The following LILRA2 variants were observed in gnomAD, a reference collection of about 807,000 sequenced individuals.
LILRA2 encodes leukocyte immunoglobulin like receptor A2, also known as leukocyte immunoglobulin-like receptor subfamily A member 2.
A neutral mutation model predicts 47.9 loss-of-function variants in LILRA2; 45 were observed. The ratio of observed to expected loss-of-function variants is 0.94; its 90% CI spans 0.74 to 1.20. LILRA2 has a LOEUF of 1.20. LILRA2 is among the 50% of genes most tolerant of loss of function. LILRA2 has a pLI of 0.00. For missense variants in LILRA2, 651 were observed against 598.2 expected (o/e 1.09, Z -0.92); for synonymous variants, 279 against 249.2 (o/e 1.12, Z -1.13).
At chr19:54,587,170 C>A (rs1347015923) in intron 7 of LILRA2, 31 bp from the exon 8 acceptor site, 1 of 1,613,432 alleles carries the variant, frequency 6.2e-7, no homozygotes. Flanking sequence ...TGATTCCGAT[C>A]TGCCCTGACC....
At chr19:54,577,804 T>A in intron 6 of LILRA2, 1 of 914,392 alleles carries the variant, frequency 1.1e-6, no homozygotes, top group South Asian at 2.3e-5. Context: ...TGTTACTTTT[T>A]TTCTAAAACT....
chr19:54,586,356 A>G (rs1185130279), intron 6 of LILRA2, among the ~76,000 whole-genome samples: 1 of 152,062 alleles, frequency 6.6e-6, no homozygotes, highest in Non-Finnish European at 1.5e-5. Flanking sequence ...TAGCACCAGC[A>G]TTTAACATAT....
rs1241614277 is a variant in LILRA2, at chr19:54,575,972, C to T, written c.1118C>T (p.Ala373Val). Reference sequence around the variant, plus strand: ...CTGCATCTGAGATCAGAGCACCAAGCTCAGCAGAACCAGGCTGAATTCCGC... The same window carrying T: ...CTGCATCTGAGATCAGAGCACCAAGTTCAGCAGAACCAGGCTGAATTCCGC... ...PPLHLRSEHQAQQNQAEFRMG... is the reference protein window; with the variant it reads ...PPLHLRSEHQVQQNQAEFRMG... Residue 373 changes from alanine (A) to valine (V), a missense_variant, in exon 6 of 8, where the codon GCT becomes GTT. Ala to Val is a moderately conservative substitution (Grantham distance 64). Coordinates refer to ENST00000391738, the MANE Select transcript of LILRA2 (RefSeq NM_001130917.3). The T allele has an allele frequency of 6.2e-7, 1 of 1,614,036 alleles. No homozygotes were observed. Among genetic ancestry groups the T allele is most frequent in the Admixed American group, 1.7e-5 (1 of 60,010 alleles).
intron 6 of LILRA2, among the ~76,000 whole-genome samples, chr19:54,579,366 A>G (rs2098281526): frequency 6.6e-6 from 1 of 152,166 alleles, no homozygotes; most frequent in South Asian, 2.1e-4. Flanking sequence ...TAAATAGGGA[A>G]TTCTTTCCCC....
chr19:54,590,271 T>C lies in LILRA2; in HGVS notation c.*2925T>C, dbSNP rs1351107825. On this transcript the variant is annotated 3_prime_UTR_variant, in exon 8 of 8. Transcript: ENST00000391738. ...CTCCGATGACTAATGAAAAATTTAA[T>C]AAATATTCTACACCAATACAATGTT... 3 of 152,358 alleles carry C rather than the reference T, an allele frequency of 2.0e-5. No individual in the cohort carries two copies. The highest frequency in any genetic ancestry group is 4.4e-5 in the Non-Finnish European group (3 of 68,034). 9.4% of individuals were successfully genotyped at this position (152,358 alleles called of 1,614,324 possible). A position where few individuals can be genotyped will look rare whatever the true frequency, so the allele number is the denominator to read the frequency against.
intron 6 of LILRA2, among the ~76,000 whole-genome samples, chr19:54,585,932 G>A (rs4806519): frequency 0.051 from 7,766 of 152,222 alleles, 233 homozygotes; most frequent in Middle Eastern, 0.068. Flanking sequence ...AAGAAGGATA[G>A]GTATCCATGA....
chr19:54,582,716 C>T (rs1383981600), intron 6 of LILRA2, among the ~76,000 whole-genome samples: 1 of 152,038 alleles, frequency 6.6e-6, no homozygotes, highest in East Asian at 1.9e-4. Context: ...TTGATCTTTT[C>T]AAAAAACCAG....
Position 54,590,056 on chromosome 19 carries a change from A to T in LILRA2, c.*2710A>T, listed in dbSNP as rs2146040194. The T allele has an allele frequency of 6.6e-6, 1 of 152,082 alleles. No individual in the cohort carries two copies. The highest frequency in any genetic ancestry group is 1.9e-4 in the East Asian group (1 of 5,168). The allele number at this position is 152,082 out of a possible 1,614,324, so 9.4% of individuals were successfully genotyped here. ...ATTAATGTTATTTATGAATTTGTGCACATTAAACTCATGATCTTTCATTTC... is the reference window on the plus strand; with the variant it reads ...ATTAATGTTATTTATGAATTTGTGCTCATTAAACTCATGATCTTTCATTTC... On this transcript the variant is annotated 3_prime_UTR_variant, in exon 8 of 8. Transcript: ENST00000391738.
In LILRA2 at chr19:54,575,570, T is replaced by C; in HGVS notation, c.952+18T>C. 6.2e-7 allele frequency: 1 copy of C among 1,610,558 alleles called. No individual in the cohort carries two copies. The highest frequency in any genetic ancestry group is 1.3e-5 in the African/African-American group (1 of 74,838). On this transcript the variant is annotated intron_variant, in intron 5 of 7. Transcript: ENST00000391738. ...GATCACAGGTGAGGAGCCCAGCGGG[T>C]TCAGTCAGGGACCCAGGCTCTGCAC...
chr19:54,576,055 T>G lies in LILRA2; in HGVS notation c.1201T>G (p.Ser401Ala). 6.2e-7 allele frequency: 1 copy of G among 1,613,792 alleles called. No homozygotes were observed. ...CTACAGATGCTACAGCTCACTCAGC[T>G]CCAACCCCTACCTGCTGTCTCTCCC... ...GTYRCYSSLS[S>A]NPYLLSLPSD... The change falls in exon 6 of 8, where the codon TCC becomes GCC. Residue 401 changes from serine (S) to alanine (A), a missense_variant. Transcript: ENST00000391738.
upstream of LILRA2, chr19:54,573,242 C>G: frequency 2.3e-6 from 1 of 441,182 alleles, no homozygotes; most frequent in Non-Finnish European, 4.2e-6. Context: ...CCTCAGCCTC[C>G]TGAAGTGCTG....
chr19:54,583,758 T>A (rs1417070162), intron 6 of LILRA2, among the ~76,000 whole-genome samples: 1 of 152,200 alleles, frequency 6.6e-6, no homozygotes, highest in Non-Finnish European at 1.5e-5. Flanking sequence ...ATTGGAGCAT[T>A]TAACCCATTT....
Position 54,575,092 on chromosome 19 carries a change from T to C in LILRA2, c.655+59T>C, listed in dbSNP as rs2062352218. ...GAGTCTCCCTGAGTCTCCAGGCAGG[T>C]GGGGAGCAGCCGCGTCTCAGGGCAG... On this transcript the variant is annotated intron_variant, in intron 4 of 7. Coordinates refer to ENST00000391738, the MANE Select transcript of LILRA2 (RefSeq NM_001130917.3). 2.1e-5 allele frequency: 34 copies of C among 1,584,076 alleles called. No individual in the cohort carries two copies. The South Asian group carries it at 3.1e-4, about 15-fold the overall frequency.
upstream of LILRA2, chr19:54,573,320 T>C: frequency 3.2e-6 from 2 of 626,534 alleles, no homozygotes; most frequent in African/African-American, 1.8e-5. Flanking sequence ...CACACGCAGC[T>C]CAACCTGAGC....
chr19:54,574,431 A>C lies in LILRA2; in HGVS notation c.201A>C (p.Ala67=), dbSNP rs1161040162. The C allele has an allele frequency of 2.5e-6, 4 of 1,614,136 alleles. No individual in the cohort carries two copies. The highest frequency in any genetic ancestry group is 1.1e-5 in the South Asian group (1 of 91,092). Residue 67 remains alanine (A), a synonymous_variant, in exon 3 of 8, where the codon GCA becomes GCC. Transcript: ENST00000391738. ...EYHLYRENKS[A]SWVRRIQEPG... is the part of the protein sequence containing the mutation. ...ATCTATATAGGGAAAACAAATCAGC[A>C]TCCTGGGTTAGACGGATACAAGAGC...
chr19:54,574,133 C>T lies in LILRA2; in HGVS notation c.70+22C>T, dbSNP rs533263744. The T allele has an allele frequency of 8.1e-6, 13 of 1,614,268 alleles. No individual in the cohort carries two copies. In the South Asian group the frequency reaches 1.2e-4, roughly 15 times the overall value. On this transcript the variant is annotated intron_variant, in intron 2 of 7. Transcript: ENST00000391738. ...GCAGGTGAGTCTGTTCCCAGCTGTC[C>T]CAGGTCCCTCCTCCTCACTAGGGAC...
At position 54,576,099 on chromosome 19, in the gene LILRA2, C is replaced by G. The variant is rs199807216; in HGVS notation, c.1245C>G (p.Leu415=). The G allele has an allele frequency of 1.2e-5, 20 of 1,614,200 alleles. No individual in the cohort carries two copies. The East Asian group carries it at 4.5e-4, about 36-fold the overall frequency. The part of the protein sequence containing the change: ...LLSLPSDPLE[L]VVSEAAETLS... Reference sequence around the variant, plus strand: ...CTCTCCCCAGTGACCCCCTGGAGCTCGTGGTCTCAGGTGAGGGCCCTGATC... The same window carrying G: ...CTCTCCCCAGTGACCCCCTGGAGCTGGTGGTCTCAGGTGAGGGCCCTGATC... Residue 415 remains leucine (L), a synonymous_variant, in exon 6 of 8, where the codon CTC becomes CTG. Transcript: ENST00000391738.
Position 54,575,907 on chromosome 19 carries a change from C to G in LILRA2, c.1053C>G (p.His351Gln). 1 of 1,613,996 alleles carries G rather than the reference C, an allele frequency of 6.2e-7. No individual in the cohort carries two copies. Residue 351 changes from histidine (H) to glutamine (Q), a missense_variant, in exon 6 of 8, where the codon CAC (histidine) becomes CAG (glutamine). Physicochemically the swap from His to Gln is conservative, Grantham distance 24. Coordinates refer to ENST00000391738, the MANE Select transcript of LILRA2 (RefSeq NM_001130917.3). ...TGTGTCAGTCACGGGGGCAGTTCCA[C>G]ACTTTCCTTCTGACCAAGGAGGGGG... Reference protein sequence around the residue: ...TLLCQSRGQFHTFLLTKEGAG... With the variant: ...TLLCQSRGQFQTFLLTKEGAG...
Position 54,575,459 on chromosome 19 carries a change from C to G in LILRA2, c.859C>G (p.Pro287Ala), listed in dbSNP as rs754296387. 3.1e-6 allele frequency: 5 copies of G among 1,613,706 alleles called. No homozygotes were observed. The highest frequency in any genetic ancestry group is 4.5e-5 in the East Asian group (2 of 44,896). ...QANFTLGPVS[P>A]SHGGQYRCYS... is the part of the protein sequence containing the mutation. Reference sequence around the variant, plus strand: ...CAACTTCACCCTGGGCCCTGTGAGCCCCTCCCACGGGGGCCAGTACAGATG... The same window carrying G: ...CAACTTCACCCTGGGCCCTGTGAGCGCCTCCCACGGGGGCCAGTACAGATG... Residue 287 changes from proline (P) to alanine (A), a missense_variant, in exon 5 of 8, where the codon CCC becomes GCC. Coordinates refer to ENST00000391738, the MANE Select transcript of LILRA2 (RefSeq NM_001130917.3).
Sources: gnomAD v4.1 joint callset for allele counts (sites outside exome capture counted in the v4.1 genomes callset) on GRCh38, gnomAD v4.1.1 for gene constraint, MANE v1.5 for transcripts, NCBI Gene and HGNC (gene_info 2026-07-23, HGNC 2026-07-21) for gene names.